Variants in RAB37 observed in about 807,000 individuals in gnomAD.
The protein encoded by RAB37 is ras-related protein Rab-37.
A neutral mutation model predicts 33.1 loss-of-function variants in RAB37; 29 were observed. The observed-to-expected ratio is 0.88, with a 90% confidence interval of 0.65 to 1.20. The LOEUF is 1.20. Among genes scored for constraint, RAB37 ranks in the 50% most tolerant of loss-of-function variants. RAB37 has a pLI of 0.00. For synonymous variants in RAB37, 128 were observed against 119.5 expected (o/e 1.07, Z -0.47); for missense variants, 299 against 301.1 (o/e 0.99, Z 0.05).
At chr17:74,732,125 C>T (rs1188253286) in intron 2 of RAB37, among the ~76,000 whole-genome samples, 2 of 152,184 alleles carry the variant, frequency 1.3e-5, no homozygotes, top group East Asian at 1.9e-4. Context: ...GTTGGTCAAG[C>T]TGTTGCACAG....
rs757495949 is a variant in RAB37 at position 74,745,062 on chromosome 17, T to C, written c.544T>C (p.Leu182=). The change falls in exon 8 of 9, where the codon TTA becomes CTA. Residue 182 remains leucine (L), a synonymous_variant. Coordinates refer to ENST00000392613, the MANE Select transcript of RAB37 (RefSeq NM_001006638.3). The surrounding 1 kb of genome is among the most constrained non-coding windows in gnomAD (Gnocchi z 4.5). ...CGCCAAGACTGGCATGAATGTGGAG[T>C]TAGCCTTTCTGGCCATCGCCAAGTG... is the stretch of plus-strand genomic sequence containing the variant. ...TSAKTGMNVE[L]AFLAIAKELK... is the part of the protein sequence containing the mutation. 1 of 1,614,144 alleles carries C rather than the reference T, an allele frequency of 6.2e-7. No individual in the cohort carries two copies.
chr17:74,737,957 G>C (rs1598322402), intron 1 of RAB37, among the ~76,000 whole-genome samples: 2 of 152,118 alleles, frequency 1.3e-5, no homozygotes, highest in African/African-American at 4.8e-5. Flanking sequence ...GGAATTTTTC[G>C]AACCTGAGAA....
intron 1 of RAB37, among the ~76,000 whole-genome samples, chr17:74,727,567 G>A (rs761836019): frequency 3.3e-5 from 5 of 152,226 alleles, no homozygotes; most frequent in East Asian, 1.9e-4. Context: ...GCTGTGCTCC[G>A]CCTTTGGCTG....
In RAB37 at chr17:74,676,285, G is replaced by C. The variant is rs2031830621; in HGVS notation, c.72+4627G>C. Among the ~76,000 whole-genome samples the C allele has an allele frequency of 6.6e-6, 1 of 152,090 alleles. No individual in the cohort carries two copies. Among genetic ancestry groups the C allele is most frequent in the Admixed American group, 6.5e-5 (1 of 15,280 alleles). On this transcript the variant is annotated intron_variant, in intron 1 of 7. Transcript: ENST00000340415. This position sits in a 1 kb window ranked among gnomAD's most constrained non-coding sequence, Gnocchi z 4.1. ...TAAGGAACATCCACATACCAGACTAGCTTCCAGAGGGACGAACAATTCCTA... is the reference window on the plus strand; with the variant it reads ...TAAGGAACATCCACATACCAGACTACCTTCCAGAGGGACGAACAATTCCTA...
rs780263954 is a variant in RAB37 at position 74,743,083 on chromosome 17, T to C, written c.247-46T>C. On this transcript the variant is annotated intron_variant, in intron 3 of 8. Transcript: ENST00000392613. ...GGCCTGCTCCACCCAGCACATTCCT[T>C]GCACCTGCCTCCTTCTGACCATTTC... is the stretch of plus-strand genomic sequence containing the variant. 1.0e-5 allele frequency: 16 copies of C among 1,569,196 alleles called. No homozygotes were observed. The African/African-American group carries it at 1.6e-4, about 16-fold the overall frequency.
intron 1 of RAB37, among the ~76,000 whole-genome samples, chr17:74,724,069 A>G (rs1246470878): frequency 6.6e-6 from 1 of 152,162 alleles, no homozygotes; most frequent in Non-Finnish European, 1.5e-5. Context: ...AATCTGAGAC[A>G]AGTCTCAGTT....
intron 1 of RAB37, among the ~76,000 whole-genome samples, chr17:74,718,945 AT>A (rs2034203823): frequency 6.6e-6 from 1 of 152,212 alleles, no homozygotes; most frequent in South Asian, 2.1e-4. Context: ...CAGGAAAAAC[AT>A]AAAAAGTATG....
chr17:74,679,299 G>T (rs1324071057), intron 1 of RAB37, among the ~76,000 whole-genome samples: 1 of 152,114 alleles, frequency 6.6e-6, no homozygotes, highest in East Asian at 1.9e-4. Context: ...ACAGTGAGAA[G>T]CAGTGTAAGC....
chr17:74,687,576 G>A (rs1040842505), intron 1 of RAB37, among the ~76,000 whole-genome samples: 2 of 152,202 alleles, frequency 1.3e-5, no homozygotes, highest in African/African-American at 4.8e-5. Flanking sequence ...AGAGCCATGT[G>A]AGGATATGGT....
upstream of RAB37, chr17:74,736,716 G>A (rs573570437): frequency 6.5e-7 from 1 of 1,535,720 alleles, no homozygotes; most frequent in African/African-American, 1.4e-5. Flanking sequence ...ACACCGCAGC[G>A]TACATGTGCT....
At chr17:74,695,241 G>A (rs762245835) in intron 1 of RAB37, 12 of 1,613,856 alleles carry the variant, frequency 7.4e-6, no homozygotes, top group Non-Finnish European at 9.3e-6. Context: ...GTCCTCCTTC[G>A]GCAAGGAAGC....
rs187050189 is a variant in RAB37, at chr17:74,692,109, G to A, written c.72+20451G>A. On this transcript the variant is annotated intron_variant, in intron 1 of 7. Transcript: ENST00000340415. The stretch of plus-strand genomic sequence containing the variant: ...TCTCGATCTCCTGACCTTGTGATCC[G>A]CCCACCTCGGCCTCCCAAAGTGCTG... 3.4e-4 allele frequency among the ~76,000 whole-genome samples: 52 copies of A among 151,796 alleles called. 1 individual carries two copies. The highest frequency in any genetic ancestry group is 9.2e-4 in the African/African-American group (38 of 41,354).
intron 1 of RAB37, chr17:74,704,866 C>T (rs1302086461): frequency 1.4e-6 from 2 of 1,433,468 alleles, no homozygotes; most frequent in South Asian, 2.5e-5. Flanking sequence ...AAGGGCAGGG[C>T]CACAGCTTTC....
At chr17:74,702,884 CA>C (rs971802217) in intron 1 of RAB37, 1 of 637,972 alleles carries the variant, frequency 1.6e-6, no homozygotes, top group African/African-American at 1.8e-5. Flanking sequence ...TGTGGCCTGA[CA>C]GCAAGTGGGA....
Position 74,745,100 on chromosome 17 carries a change from G to A in RAB37, c.566+16G>A. 6 of 1,613,820 alleles carry A rather than the reference G, an allele frequency of 3.7e-6. No individual in the cohort carries two copies. The highest frequency in any genetic ancestry group is 5.1e-6 in the Non-Finnish European group (6 of 1,179,836). ...CCATCGCCAAGTGAGAGCTGGGCAG[G>A]GAAGGGAAGTGTGCGGGGCAGGGCG... On this transcript the variant is annotated intron_variant, in intron 8 of 8. Coordinates refer to ENST00000392613, the MANE Select transcript of RAB37 (RefSeq NM_001006638.3). This position sits in a 1 kb window ranked among gnomAD's most constrained non-coding sequence, Gnocchi z 4.5.
At chr17:74,718,317 A>ATCATG (rs1346605446) in intron 1 of RAB37, among the ~76,000 whole-genome samples, 4 of 9,184 alleles carry the variant, frequency 4.4e-4, no homozygotes, top group Non-Finnish European at 5.8e-4. Context: ...CATATCATAC[A>ATCATG]TCATATCATA....
chr17:74,695,366 C>T (rs549579978), intron 1 of RAB37: 192 of 1,260,968 alleles, frequency 1.5e-4, no homozygotes, highest in Admixed American at 2.1e-4. Flanking sequence ...TCTAATCCCA[C>T]TCAAGCCCTC....
At position 74,745,118 on chromosome 17, in the gene RAB37, G is replaced by A. The variant is rs376353742; in HGVS notation, c.566+34G>A. The A allele has an allele frequency of 2.3e-5, 37 of 1,606,854 alleles. No homozygotes were observed. Among genetic ancestry groups the A allele is most frequent in the Non-Finnish European group, 3.0e-5 (35 of 1,173,952 alleles). ...TGGGCAGGGAAGGGAAGTGTGCGGGGCAGGGCGGCACACTCCAGGAATCCA... is the reference window on the plus strand; with the variant it reads ...TGGGCAGGGAAGGGAAGTGTGCGGGACAGGGCGGCACACTCCAGGAATCCA... On this transcript the variant is annotated intron_variant, in intron 8 of 8. Transcript: ENST00000392613. This position sits in a 1 kb window ranked among gnomAD's most constrained non-coding sequence, Gnocchi z 4.5.
In RAB37 at chr17:74,745,141, C is replaced by T; in HGVS notation, c.566+57C>T. The T allele has an allele frequency of 6.3e-7, 1 of 1,589,432 alleles. No homozygotes were observed. Among genetic ancestry groups the T allele is most frequent in the Non-Finnish European group, 8.6e-7 (1 of 1,159,298 alleles). On this transcript the variant is annotated intron_variant, in intron 8 of 8. Transcript: ENST00000392613. This position sits in a 1 kb window ranked among gnomAD's most constrained non-coding sequence, Gnocchi z 4.5. Reference sequence around the variant, plus strand: ...GGGCAGGGCGGCACACTCCAGGAATCCAGTAGGGCCCGGCCCCTGGCCCAG... The same window carrying T: ...GGGCAGGGCGGCACACTCCAGGAATTCAGTAGGGCCCGGCCCCTGGCCCAG...
Sources: allele counts gnomAD v4.1 joint callset (sites outside exome capture counted in the v4.1 genomes callset), GRCh38; gene constraint gnomAD v4.1.1; non-coding constraint Gnocchi (gnomAD v3.1); transcripts MANE v1.5; gene names NCBI Gene and HGNC (gene_info 2026-07-23, HGNC 2026-07-21).